Variants in TMEM200A observed in about 807,000 individuals in gnomAD.
The protein encoded by TMEM200A is transmembrane protein 200A.
A neutral mutation model predicts 24.3 loss-of-function variants in TMEM200A; 12 were observed. The observed-to-expected ratio is 0.49, with a 90% CI of 0.32 to 0.80. The LOEUF (loss-of-function observed/expected upper bound fraction) is 0.80. TMEM200A is among the 30% of genes least tolerant of loss of function. The pLI is 0.04. For synonymous variants in TMEM200A, 224 were observed against 224.4 expected, an observed-to-expected ratio of 1.00 and a Z score of 0.02; for missense variants, 545 against 614.4, an observed-to-expected ratio of 0.89 and a Z score of 1.19.
At chr6:130,402,573 C>A (rs1779114600) in intron 2 of TMEM200A, among the ~76,000 whole-genome samples, 1 of 151,970 alleles carries the variant, frequency 6.6e-6, no homozygotes, top group Non-Finnish European at 1.5e-5. Flanking sequence ...ATTTCCCTTT[C>A]CTTTTGGTTT....
intron 2 of TMEM200A, among the ~76,000 whole-genome samples, chr6:130,402,615 T>C (rs1362608755): frequency 6.6e-6 from 1 of 152,072 alleles, no homozygotes; most frequent in African/African-American, 2.4e-5. Flanking sequence ...AGCCAAGACT[T>C]TTCTTTCTTG....
chr6:130,429,770 T>C (rs1018821400), intron 2 of TMEM200A, among the ~76,000 whole-genome samples: 6 of 152,162 alleles, frequency 3.9e-5, no homozygotes, highest in Admixed American at 2.6e-4. Flanking sequence ...CCATATACAA[T>C]TGAAATTTTC....
Position 130,420,178 on chromosome 6 carries a change from T to C in TMEM200A, c.-16-20229T>C, listed in dbSNP as rs548758901. ...ACTATAGCACCACCTCTCTGTATTT[T>C]AGTAAGTTGTTTTAATCTCTCTTTT... is the stretch of plus-strand genomic sequence containing the variant. On this transcript the variant is annotated intron_variant, in intron 2 of 2. Coordinates refer to ENST00000296978, the MANE Select transcript of TMEM200A (RefSeq NM_001258277.2). 3.3e-5 allele frequency among the ~76,000 whole-genome samples: 5 copies of C among 152,340 alleles called. No homozygotes were observed. The East Asian group carries it at 9.6e-4, about 29-fold the overall frequency.
chr6:130,379,565 T>A (rs894340896), intron 1 of TMEM200A, among the ~76,000 whole-genome samples: 11 of 152,342 alleles, frequency 7.2e-5, no homozygotes, highest in Non-Finnish European at 2.9e-5. Context: ...GTTAACACGA[T>A]CTGTGGGTGG....
At chr6:130,426,990 C>T (rs1779760534) in intron 2 of TMEM200A, among the ~76,000 whole-genome samples, 2 of 152,146 alleles carry the variant, frequency 1.3e-5, no homozygotes, top group Admixed American at 1.3e-4. Context: ...CTTTCCTGAA[C>T]TTATCATTTA....
intron 2 of TMEM200A, chr6:130,438,364 A>C (rs1780069909): frequency 3.3e-5 from 5 of 152,186 alleles, no homozygotes; most frequent in Admixed American, 1.3e-4. Flanking sequence ...GAAATCATAA[A>C]TAGAAATTCA....
chr6:130,365,820 G>A (rs1185456383), upstream of TMEM200A: 1 of 985,566 alleles, frequency 1.0e-6, no homozygotes, highest in Non-Finnish European at 1.2e-6. Flanking sequence ...CTGGGCTCCT[G>A]CAGAGCAGAT....
intron 1 of TMEM200A, among the ~76,000 whole-genome samples, chr6:130,367,339 T>C (rs1045889938): frequency 2.6e-5 from 4 of 152,220 alleles, no homozygotes; most frequent in African/African-American, 7.2e-5. Context: ...CCTTCAGAAG[T>C]AGTTATGGAC....
chr6:130,442,124 A>G lies in TMEM200A; in HGVS notation c.*226A>G, dbSNP rs1780210269. 2.5e-6 allele frequency: 1 copy of G among 401,706 alleles called. No individual in the cohort carries two copies. Among genetic ancestry groups the G allele is most frequent in the Non-Finnish European group, 4.6e-6 (1 of 218,054 alleles). 24.9% of individuals were successfully genotyped at this position (401,706 alleles called of 1,614,324 possible). A position where few individuals can be genotyped will look rare whatever the true frequency, so the allele number is the denominator to read the frequency against. On this transcript the variant is annotated 3_prime_UTR_variant, in exon 3 of 3. Coordinates refer to ENST00000296978, the MANE Select transcript of TMEM200A (RefSeq NM_001258277.2). ...TTTATTTTTCTCTTCCTTTGAAAGC[A>G]TGATCTCTTTTATTAATATGAATGC... is the stretch of plus-strand genomic sequence containing the variant.
intron 1 of TMEM200A, among the ~76,000 whole-genome samples, chr6:130,373,921 A>AG (rs2115071625): frequency 6.6e-6 from 1 of 152,336 alleles, no homozygotes; most frequent in Admixed American, 6.5e-5. Flanking sequence ...TTTGAAAAAA[A>AG]GAATAGTTTA....
intron 2 of TMEM200A, among the ~76,000 whole-genome samples, chr6:130,417,233 G>A (rs1055864693): frequency 8.5e-5 from 13 of 152,106 alleles, no homozygotes; most frequent in Non-Finnish European, 1.3e-4. Flanking sequence ...TTTGTTAGAT[G>A]AATGAAAATA....
rs543624431 is a variant in TMEM200A at position 130,434,254 on chromosome 6, G to A, written c.-16-6153G>A. 4.6e-5 allele frequency among the ~76,000 whole-genome samples: 7 copies of A among 152,182 alleles called. No homozygotes were observed. In the South Asian group the frequency reaches 1.5e-3, roughly 32 times the overall value. On this transcript the variant is annotated intron_variant, in intron 2 of 2. Coordinates refer to ENST00000296978, the MANE Select transcript of TMEM200A (RefSeq NM_001258277.2). The stretch of plus-strand genomic sequence containing the variant: ...ACAGCATGAAAAAACAATAGAAAAG[G>A]GAATATATAAACAAGAGTGAACACT...
chr6:130,425,340 G>T (rs1779705213), intron 2 of TMEM200A, among the ~76,000 whole-genome samples: 1 of 152,148 alleles, frequency 6.6e-6, no homozygotes, highest in Admixed American at 6.6e-5. Flanking sequence ...TTGAGTTGGA[G>T]TCTGCTTTCT....
At chr6:130,435,652 A>C (rs1269225866) in intron 2 of TMEM200A, among the ~76,000 whole-genome samples, 1 of 152,226 alleles carries the variant, frequency 6.6e-6, no homozygotes, top group Non-Finnish European at 1.5e-5. Flanking sequence ...ATATTTGCAA[A>C]TGAACATAAA....
At position 130,404,690 on chromosome 6, in the gene TMEM200A, T is replaced by A. The variant is rs149514815; in HGVS notation, c.-17+19454T>A. ...CTTTGGTTAAATTAAATACCATTTG[T>A]CAATTTTTACTTTAGTTGCAATTGC... On this transcript the variant is annotated intron_variant, in intron 2 of 2. Coordinates refer to ENST00000296978, the MANE Select transcript of TMEM200A (RefSeq NM_001258277.2). Among the ~76,000 whole-genome samples the A allele has an allele frequency of 3.3e-3, 506 of 152,326 alleles. 3 individuals carry two copies. The highest frequency in any genetic ancestry group is 0.012 in the African/African-American group (488 of 41,576).
intron 2 of TMEM200A, among the ~76,000 whole-genome samples, chr6:130,426,471 C>T (rs566233660): frequency 1.7e-4 from 25 of 149,428 alleles, no homozygotes; most frequent in Admixed American, 1.1e-3. Context: ...CCCCCCCCCC[C>T]TCAGTTTCCC....
intron 2 of TMEM200A, among the ~76,000 whole-genome samples, chr6:130,394,699 T>C (rs976068088): frequency 1.3e-5 from 2 of 152,230 alleles, no homozygotes; most frequent in South Asian, 2.1e-4. Flanking sequence ...AAGCACTGAA[T>C]TGAAGACTGC....
rs138323012 is a variant in TMEM200A at position 130,383,233 on chromosome 6, C to T, written c.-80-1940C>T. On this transcript the variant is annotated intron_variant, in intron 1 of 2. Transcript: ENST00000296978. ...GGCATTAACTAGCTCAGAAAAAGAGCCACCCTAGCCTTGGAATTTTTCTCT... is the reference window on the plus strand; with the variant it reads ...GGCATTAACTAGCTCAGAAAAAGAGTCACCCTAGCCTTGGAATTTTTCTCT... 462 of 199,732 alleles carry T rather than the reference C, an allele frequency of 2.3e-3. 3 individuals carry two copies. The highest frequency in any genetic ancestry group is 0.011 in the African/African-American group (447 of 42,358). 12.4% of individuals were successfully genotyped at this position (199,732 alleles called of 1,614,324 possible).
intron 1 of TMEM200A, among the ~76,000 whole-genome samples, chr6:130,372,254 C>G (rs907983522): frequency 1.3e-5 from 2 of 152,102 alleles, no homozygotes; most frequent in African/African-American, 4.8e-5. Flanking sequence ...TGAAGGAAGA[C>G]AGTAAGCTAA....
Sources: allele counts gnomAD v4.1 joint callset (sites outside exome capture counted in the v4.1 genomes callset), GRCh38; gene constraint gnomAD v4.1.1; transcripts MANE v1.5; gene names NCBI Gene and HGNC (gene_info 2026-07-23, HGNC 2026-07-21).